Variants in TECPR2 observed in about 807,000 individuals in gnomAD.
TECPR2 encodes tectonin beta-propeller repeat containing 2.
In TECPR2, 65 loss-of-function variants were observed where a neutral mutation model predicts 138.1. That is an observed-to-expected ratio of 0.47 (90% CI 0.39 to 0.58). The LOEUF is 0.58. Ranked by LOEUF, TECPR2 falls within the 20% of genes least tolerant of loss-of-function variation. The pLI is 0.00. For synonymous variants in TECPR2, 746 were observed against 749.8 expected, an observed-to-expected ratio of 0.99 and a Z score of 0.08; for missense variants, 1,553 against 1,824.5, an observed-to-expected ratio of 0.85 and a Z score of 2.71.
chr14:102,452,501 C>G lies in TECPR2; in HGVS notation c.3514C>G (p.Arg1172Gly), dbSNP rs762957508. The G allele has an allele frequency of 1.5e-5, 24 of 1,612,916 alleles. No homozygotes were observed. Among genetic ancestry groups the G allele is most frequent in the Non-Finnish European group, 1.9e-5 (23 of 1,179,864 alleles). Residue 1172 changes from arginine (R) to glycine (G), a missense_variant, in exon 16 of 20, where the codon CGC (arginine) becomes GGC (glycine). Coordinates refer to ENST00000359520, the MANE Select transcript of TECPR2 (RefSeq NM_014844.5). ...GCAGCTGCCTCCCGAAGCCGAGATG[C>G]GCGCCTATGCCGCCTGCCAGGATGC... ...TVQLPPEAEMRAYAACQDALW... is the reference protein window; with the variant it reads ...TVQLPPEAEMGAYAACQDALW...
At position 102,428,385 on chromosome 14, in the gene TECPR2, T is replaced by C. The variant is rs1301568407; in HGVS notation, c.1084+3T>C. ...GCCTGAAGGATTAACATCAACAGGT[T>C]TGTATTTATTATAAAATGTACCATG... On this transcript the variant is annotated splice_donor_region_variant and intron_variant, in intron 7 of 19. Transcript: ENST00000359520. 6.2e-7 allele frequency: 1 copy of C among 1,608,714 alleles called. No homozygotes were observed. Among genetic ancestry groups the C allele is most frequent in the Non-Finnish European group, 8.5e-7 (1 of 1,178,696 alleles).
chr14:102,456,599 T>C (rs1214529879), intron 16 of TECPR2, among the ~76,000 whole-genome samples: 2 of 151,264 alleles, frequency 1.3e-5, no homozygotes, highest in Admixed American at 1.3e-4. Flanking sequence ...TCTTTTTTTT[T>C]TTTTTTTTGA....
intron 18 of TECPR2, 147 bp downstream of exon 18, chr14:102,497,267 C>A: frequency 7.4e-7 from 1 of 1,354,100 alleles, no homozygotes; most frequent in East Asian, 2.5e-5. Context: ...GGCCAGGGGA[C>A]AAGCCTCCCA....
intron 2 of TECPR2, among the ~76,000 whole-genome samples, chr14:102,386,056 T>C (rs1403201554): frequency 6.6e-6 from 1 of 152,194 alleles, no homozygotes; most frequent in Non-Finnish European, 1.5e-5. Flanking sequence ...AAAAAAAATG[T>C]ATTTTGCTGG....
rs1044340338 is a variant in TECPR2, at chr14:102,420,919, G to A, written c.639-4060G>A. ...CACCTTGATCTGAGCTCTTTGAGCAGCTCTTTGAGCCTCAGATGGCGCTTC... is the reference window on the plus strand; with the variant it reads ...CACCTTGATCTGAGCTCTTTGAGCAACTCTTTGAGCCTCAGATGGCGCTTC... On this transcript the variant is annotated intron_variant, in intron 5 of 19. Transcript: ENST00000359520. This position sits in a 1 kb window ranked among gnomAD's most constrained non-coding sequence, Gnocchi z 4.1. 4.6e-5 allele frequency among the ~76,000 whole-genome samples: 7 copies of A among 152,198 alleles called. No homozygotes were observed. The highest frequency in any genetic ancestry group is 1.3e-4 in the Admixed American group (2 of 15,278).
chr14:102,493,777 C>T (rs768166468), intron 17 of TECPR2, among the ~76,000 whole-genome samples: 1 of 152,212 alleles, frequency 6.6e-6, no homozygotes, highest in Non-Finnish European at 1.5e-5. Flanking sequence ...GGTGACCCTG[C>T]AGCACAGGCG....
intron 17 of TECPR2, among the ~76,000 whole-genome samples, chr14:102,471,581 A>G (rs1184854268): frequency 6.6e-6 from 1 of 151,776 alleles, no homozygotes; most frequent in East Asian, 1.9e-4. Flanking sequence ...GTGCACCTGT[A>G]GTCCCAGCTA....
At chr14:102,374,754 C>T (rs1359195055) in intron 1 of TECPR2, among the ~76,000 whole-genome samples, 4 of 152,102 alleles carry the variant, frequency 2.6e-5, no homozygotes, top group Non-Finnish European at 5.9e-5. Context: ...TGGTTGTGAA[C>T]TCCTGGTCTC....
In TECPR2 at chr14:102,477,957, AG is replaced by A. The variant is rs1567358289; in HGVS notation, c.3789+12669del. On this transcript the variant is annotated intron_variant, in intron 17 of 19. Coordinates refer to ENST00000359520, the MANE Select transcript of TECPR2 (RefSeq NM_014844.5). ...CTCAAAAAAAAAAAAAAAAAAAAAA[AG>A]AGTTAGCCAGGACGGTCTAGATCTC... Among the ~76,000 whole-genome samples, 269 of 146,368 alleles carry A rather than the reference AG, an allele frequency of 1.8e-3. 4 individuals are homozygous for A. The highest frequency in any genetic ancestry group is 6.3e-3 in the African/African-American group (252 of 40,036).
In TECPR2 at chr14:102,437,380, C is replaced by T. The variant is rs566901550; in HGVS notation, c.2395-642C>T. 1.4e-3 allele frequency among the ~76,000 whole-genome samples: 211 copies of T among 152,278 alleles called. 2 individuals are homozygous for T. Among genetic ancestry groups the T allele is most frequent in the Middle Eastern group, 0.014 (4 of 294 alleles). ...TGGCCAACATGGCGAAACCCCGTCT[C>T]TACTAAAAATACAAAAAATAGCCGG... On this transcript the variant is annotated intron_variant, in intron 9 of 19. Transcript: ENST00000359520.
intron 2 of TECPR2, among the ~76,000 whole-genome samples, chr14:102,395,140 A>ATCTGGTACTTG (rs1357925230): frequency 3.3e-5 from 5 of 152,188 alleles, no homozygotes; most frequent in Non-Finnish European, 7.3e-5. Flanking sequence ...GAAAGCTTTC[A>ATCTGGTACTTG]AGTACCAGAT....
chr14:102,440,293 TG>T, intron 10 of TECPR2, 142 bp from the exon 11 acceptor site: 2 of 1,129,856 alleles, frequency 1.8e-6, no homozygotes, highest in Non-Finnish European at 2.5e-6. Flanking sequence ...AACCTGGGTC[TG>T]GTGGCCTCTT....
intron 8 of TECPR2, 84 bp downstream of exon 8, chr14:102,432,212 A>AGC: frequency 2.8e-5 from 37 of 1,314,632 alleles, no homozygotes; most frequent in Non-Finnish European, 3.5e-5. Context: ...CTGAGTGAGC[A>AGC]ATGCTCCATA....
intron 16 of TECPR2, among the ~76,000 whole-genome samples, chr14:102,462,048 A>T (rs1299019783): frequency 6.6e-6 from 1 of 152,124 alleles, no homozygotes; most frequent in Non-Finnish European, 1.5e-5. Flanking sequence ...TACATCATCT[A>T]GTAGTCTTTT....
Position 102,376,934 on chromosome 14 carries a change from C to CCAAAG in TECPR2, c.213_214insCAAAG (p.Phe72GlnfsTer13), listed in dbSNP as rs1887655646. The stretch of plus-strand genomic sequence containing the variant: ...ACCTCAACCAGATGAGGAAGTACAA[C>CCAAAG]TTTGAGGTGAGCCTTGCTTTGCTTT... On this transcript the variant is annotated frameshift_variant, in exon 2 of 20. Transcript: ENST00000359520. LOFTEE classifies it high-confidence loss of function. The CCAAAG allele has an allele frequency of 6.2e-7, 1 of 1,612,960 alleles. No homozygotes were observed. Among genetic ancestry groups the CCAAAG allele is most frequent in the Non-Finnish European group, 8.5e-7 (1 of 1,179,690 alleles).
At chr14:102,494,193 C>T (rs964596109) in intron 17 of TECPR2, among the ~76,000 whole-genome samples, 7 of 152,158 alleles carry the variant, frequency 4.6e-5, no homozygotes, top group Admixed American at 6.5e-5. Flanking sequence ...GAGGGAGCAG[C>T]GAAGGGAGCC....
Position 102,431,841 on chromosome 14 carries a change from T to A in TECPR2, c.1130T>A (p.Val377Glu), listed in dbSNP as rs765231307. ...EMSGCSERVHVQQAEKLPGAT... is the reference protein window; with the variant it reads ...EMSGCSERVHEQQAEKLPGAT... ...TCTGGATGCTCAGAGCGTGTCCACG[T>A]GCAGCAAGCGGAGAAGCTGCCAGGG... Residue 377 changes from valine to glutamate, a missense_variant, in exon 8 of 20, where the codon GTG becomes GAG. Physicochemically the swap from Val to Glu is moderately radical, Grantham distance 121. Transcript: ENST00000359520. 6.3e-7 allele frequency: 1 copy of A among 1,597,924 alleles called. No homozygotes were observed. Among genetic ancestry groups the A allele is most frequent in the Non-Finnish European group, 8.6e-7 (1 of 1,167,176 alleles).
intron 5 of TECPR2, among the ~76,000 whole-genome samples, chr14:102,424,332 TTTG>T (rs747940737): frequency 9.2e-5 from 14 of 152,002 alleles, no homozygotes; most frequent in South Asian, 4.1e-4. Flanking sequence ...ACTAAAATGG[TTTG>T]TTGTTGTTGT....
At chr14:102,372,852 G>A (rs1887541873) in intron 1 of TECPR2, among the ~76,000 whole-genome samples, 2 of 152,064 alleles carry the variant, frequency 1.3e-5, no homozygotes, top group Admixed American at 6.5e-5. Flanking sequence ...CCCAGGAGGC[G>A]GAGGTTGCAG....
Sources: allele counts gnomAD v4.1 joint callset (sites outside exome capture counted in the v4.1 genomes callset), GRCh38; gene constraint gnomAD v4.1.1; non-coding constraint Gnocchi (gnomAD v3.1); transcripts MANE v1.5; gene names NCBI Gene and HGNC (gene_info 2026-07-23, HGNC 2026-07-21).